PORCN: variants seen among roughly 807,000 people sequenced by gnomAD.
The protein encoded by PORCN is porcupine O-acyltransferase.
In PORCN, 1 loss-of-function variant was observed where a neutral mutation model predicts 43.0. The ratio of observed to expected loss-of-function variants is 0.02; its 90% CI spans 0.01 to 0.11. The LOEUF is 0.11. Among genes scored for constraint, PORCN ranks in the 10% least tolerant of loss-of-function variants. PORCN has a pLI of 1.00. For missense variants in PORCN, 240 were observed against 392.1 expected (o/e 0.61, Z 3.28); for synonymous variants, 148 against 166.4 (o/e 0.89, Z 0.85).
rs2061753987 is a variant in PORCN, at chrX:48,520,680, T to TG, written c.*206dup. On this transcript the variant is annotated 3_prime_UTR_variant, in exon 15 of 15. Transcript: ENST00000326194. The stretch of plus-strand genomic sequence containing the variant: ...ACCCCACCACAAGGCAGGAAGGGGG[T>TG]GGTGCCTGCTGGGGCCTAGAGGGGG... The TG allele has an allele frequency of 4.4e-6, 2 of 459,068 alleles. No homozygotes were observed. Among genetic ancestry groups the TG allele is most frequent in the Non-Finnish European group, 7.8e-6 (2 of 256,208 alleles). The allele number at this position is 459,068 out of a possible 1,213,427, so 37.8% of individuals were successfully genotyped here.
At chrX:48,517,092 C>G in intron 13 of PORCN, 91 bp from the exon 14 acceptor site, 2 of 673,683 alleles carry the variant, frequency 3.0e-6, no homozygotes, top group Non-Finnish European at 2.4e-6. Context: ...ACCCACTGTG[C>G]CCTGTGTGTC....
intron 14 of PORCN, among the ~76,000 whole-genome samples, chrX:48,518,330 C>T (rs186525231): frequency 2.7e-5 from 3 of 110,617 alleles, no homozygotes; most frequent in Middle Eastern, 4.7e-3. Context: ...AAGCAATTCT[C>T]CTGCCTCAGC....
intron 4 of PORCN, 91 bp from the exon 5 acceptor site, chrX:48,512,235 C>A: frequency 9.4e-7 from 1 of 1,069,441 alleles, no homozygotes. Flanking sequence ...CTTGTGCCCG[C>A]TTTTCCTACC....
At chrX:48,518,720 C>G (rs1298887583) in intron 14 of PORCN, among the ~76,000 whole-genome samples, 2 of 111,606 alleles carry the variant, frequency 1.8e-5, no homozygotes, top group Non-Finnish European at 3.8e-5. Flanking sequence ...GTTTTTGCTT[C>G]TCTTTTAGTT....
In PORCN at chrX:48,520,561, T is replaced by C; in HGVS notation, c.*85T>C. 1.5e-6 allele frequency: 1 copy of C among 658,644 alleles called. No homozygotes were observed. Among genetic ancestry groups the C allele is most frequent in the East Asian group, 3.3e-5 (1 of 30,643 alleles). 54.3% of individuals were successfully genotyped at this position (658,644 alleles called of 1,213,427 possible). Reference sequence around the variant, plus strand: ...GGATGAGGGAAGGCCCTCTCTCTACTCCTTGACCCCCTCCATCCTTGACCC... The same window carrying C: ...GGATGAGGGAAGGCCCTCTCTCTACCCCTTGACCCCCTCCATCCTTGACCC... On this transcript the variant is annotated 3_prime_UTR_variant, in exon 15 of 15. Coordinates refer to ENST00000326194, the MANE Select transcript of PORCN (RefSeq NM_203475.3).
In PORCN at chrX:48,512,716, G is replaced by A. The variant is rs373691543; in HGVS notation, c.683G>A (p.Arg228His). Residue 228 changes from arginine (R) to histidine (H), a missense_variant, in exon 6 of 15, where the codon CGC becomes CAC. By Grantham distance (29) the Arg-to-His change is conservative (BLOSUM62 0). Transcript: ENST00000326194. ...CCCCTCAACGGTGACCGCCTCCTTC[G>A]CAAGTGAGCACAGCCTTCGAGGCCC... ...FIPLNGDRLL[R>H]NKKRKARGTM... The A allele has an allele frequency of 3.5e-5, 42 of 1,211,004 alleles. No homozygotes were observed. The East Asian group carries it at 4.7e-4, about 14-fold the overall frequency.
At chrX:48,517,160 G>A (rs782135693) in intron 13 of PORCN, 23 bp from the exon 14 acceptor site, 2 of 1,123,077 alleles carry the variant, frequency 1.8e-6, no homozygotes, top group Non-Finnish European at 2.4e-6. Flanking sequence ...CAGTTGCCAA[G>A]TATATCCATC....
At chrX:48,517,678 G>A (rs1556975722) in intron 14 of PORCN, among the ~76,000 whole-genome samples, 1 of 110,521 alleles carries the variant, frequency 9.0e-6, no homozygotes, top group African/African-American at 3.3e-5. Flanking sequence ...AATTAGCCAG[G>A]CGTGATAGCA....
At position 48,513,558 on chromosome X, in the gene PORCN, G is replaced by A. The variant is rs868953779; in HGVS notation, c.705-569G>A. ...CTGGCTGCTGATTAGGTCTAATGCC[G>A]AATGAGTCTCCAAAAGGTCAAGTGA... On this transcript the variant is annotated intron_variant, in intron 7 of 14. Transcript: ENST00000326194. 3.0e-3 allele frequency among the ~76,000 whole-genome samples: 332 copies of A among 112,419 alleles called. 4 individuals carry two copies. Among genetic ancestry groups the A allele is most frequent in the African/African-American group, 9.0e-3 (280 of 30,986 alleles).
intron 10 of PORCN, among the ~76,000 whole-genome samples, chrX:48,515,210 G>A (rs1316049513): frequency 1.8e-5 from 2 of 112,184 alleles, no homozygotes; most frequent in African/African-American, 6.5e-5. Context: ...AGAGATGAGA[G>A]CCACGGCAGG....
chrX:48,512,818 GT>G lies in PORCN; in HGVS notation c.687-16del, dbSNP rs2061686029. 2 of 1,211,260 alleles carry G rather than the reference GT, an allele frequency of 1.7e-6. No individual in the cohort carries two copies. Among genetic ancestry groups the G allele is most frequent in the African/African-American group, 3.5e-5 (2 of 57,537 alleles). On this transcript the variant is annotated splice_polypyrimidine_tract_variant and intron_variant, in intron 6 of 14. Transcript: ENST00000326194. Reference sequence around the variant, plus strand: ...AGCCTGTCTCTTAATGCTTCTTTCTGTCTTCTGTTACTACAGCAAGAAACGC... The same window carrying G: ...AGCCTGTCTCTTAATGCTTCTTTCTGCTTCTGTTACTACAGCAAGAAACGC...
At chrX:48,512,001 C>T (rs2061679648) in intron 4 of PORCN, 66 bp downstream of exon 4, 6 of 884,918 alleles carry the variant, frequency 6.8e-6, no homozygotes, top group Non-Finnish European at 8.3e-6. Context: ...CTAACTGCCC[C>T]CACCCTGTGC....
intron 10 of PORCN, 80 bp downstream of exon 10, chrX:48,514,705 T>A: frequency 1.2e-6 from 1 of 817,049 alleles, no homozygotes; most frequent in Non-Finnish European, 1.9e-6. Flanking sequence ...ACTGAGCACC[T>A]TCTGTGTGCT....
chrX:48,517,364 A>C, intron 14 of PORCN, 71 bp downstream of exon 14: 1 of 771,671 alleles, frequency 1.3e-6, no homozygotes, highest in Non-Finnish European at 1.9e-6. Context: ...CCATGAGGAC[A>C]AAGGCTGGGA....
chrX:48,517,088 T>C (rs1433498606), intron 13 of PORCN, 95 bp from the exon 14 acceptor site: 9 of 650,651 alleles, frequency 1.4e-5, no homozygotes, highest in Non-Finnish European at 2.0e-5. Flanking sequence ...TGGAACCCAC[T>C]GTGCCCTGTG....
chrX:48,520,714 G>C lies in PORCN; in HGVS notation c.*238G>C, dbSNP rs1435241126. 9.4e-6 allele frequency: 4 copies of C among 425,129 alleles called. No homozygotes were observed. The African/African-American group carries it at 9.9e-5, about 10-fold the overall frequency. 35.0% of individuals were successfully genotyped at this position (425,129 alleles called of 1,213,427 possible). A position where few individuals can be genotyped will look rare whatever the true frequency, so the allele number is the denominator to read the frequency against. On this transcript the variant is annotated 3_prime_UTR_variant, in exon 15 of 15. Transcript: ENST00000326194. ...CTGGGGCCTAGAGGGGGATGCTTGG[G>C]GAAACAGAGAAGGGGAGATCCAGGG...
rs782414523 is a variant in PORCN at position 48,509,560 on chromosome X, C to A, written c.-37-224C>A. On this transcript the variant is annotated intron_variant, in intron 1 of 14. Transcript: ENST00000326194. ...ACTGGAGAGACAGAGGTCCTTCATTCACTCCAGGTCACAGGCTGTGCGTGT... is the reference window on the plus strand; with the variant it reads ...ACTGGAGAGACAGAGGTCCTTCATTAACTCCAGGTCACAGGCTGTGCGTGT... 209 of 1,091,153 alleles carry A rather than the reference C, an allele frequency of 1.9e-4. 6 individuals are homozygous for A. In the South Asian group the frequency reaches 3.8e-3, roughly 20 times the overall value. 89.9% of individuals were successfully genotyped at this position (1,091,153 alleles called of 1,213,427 possible).
chrX:48,520,638 C>A lies in PORCN; in HGVS notation c.*162C>A. The A allele has an allele frequency of 2.0e-6, 1 of 488,692 alleles. No individual in the cohort carries two copies. Among genetic ancestry groups the A allele is most frequent in the South Asian group, 2.7e-5 (1 of 36,667 alleles). The allele number at this position is 488,692 out of a possible 1,213,427, so 40.3% of individuals were successfully genotyped here. A position where few individuals can be genotyped will look rare whatever the true frequency, so the allele number is the denominator to read the frequency against. On this transcript the variant is annotated 3_prime_UTR_variant, in exon 15 of 15. Coordinates refer to ENST00000326194, the MANE Select transcript of PORCN (RefSeq NM_203475.3). ...CACACACACAAAATCACACCATTTT[C>A]ATGCCTGTCAATCCCCACCCCACCA... is the stretch of plus-strand genomic sequence containing the variant.
intron 14 of PORCN, among the ~76,000 whole-genome samples, chrX:48,518,242 C>T (rs1556975843): frequency 1.8e-5 from 2 of 109,449 alleles, no homozygotes; most frequent in African/African-American, 6.7e-5. Flanking sequence ...TATTTTTAGA[C>T]GGAGTCTTGC....
Sources: gnomAD v4.1 joint callset for allele counts (sites outside exome capture counted in the v4.1 genomes callset) on GRCh38, gnomAD v4.1.1 for gene constraint, MANE v1.5 for transcripts, NCBI Gene and HGNC (gene_info 2026-07-23, HGNC 2026-07-21) for gene names.